The following MTHFS variants were observed in gnomAD, a reference collection of about 807,000 sequenced individuals.
MTHFS encodes 5-formyltetrahydrofolate cyclo-ligase.
MTHFS carries 7 observed loss-of-function variants against 12.7 expected under a neutral mutation model. The observed-to-expected ratio is 0.55, with a 90% CI of 0.31 to 1.03. The LOEUF is 1.03. Ranked by LOEUF, MTHFS falls within the 50% of genes least tolerant of loss-of-function variation. The pLI is 0.05. For synonymous variants in MTHFS, 100 were observed against 97.1 expected, an observed-to-expected ratio of 1.03 and a Z score of -0.18; for missense variants, 252 against 258.1, an observed-to-expected ratio of 0.98 and a Z score of 0.16.
intron 2 of MTHFS, among the ~76,000 whole-genome samples, chr15:79,869,850 C>A (rs938480659): frequency 1.3e-5 from 2 of 151,962 alleles, no homozygotes; most frequent in Admixed American, 1.3e-4. Context: ...TAGGGAACTT[C>A]GGTTATAAAC....
At chr15:79,862,603 C>T (rs1157596199) in intron 2 of MTHFS, among the ~76,000 whole-genome samples, 12 of 152,088 alleles carry the variant, frequency 7.9e-5, no homozygotes, top group Non-Finnish European at 1.8e-4. Flanking sequence ...GTCCTTTCTA[C>T]AGCAAAAAGA....
chr15:79,854,393 G>A (rs1442377083), intron 2 of MTHFS, among the ~76,000 whole-genome samples: 1 of 152,238 alleles, frequency 6.6e-6, no homozygotes, highest in Non-Finnish European at 1.5e-5. Flanking sequence ...CCTGACTGGA[G>A]TGTGGATGTG....
chr15:79,845,559 T>C, intron 2 of MTHFS, 117 bp from the exon 3 acceptor site: 3 of 1,351,638 alleles, frequency 2.2e-6, no homozygotes, highest in Non-Finnish European at 3.0e-6. Flanking sequence ...AAACAATGTG[T>C]GACCATTAAT....
intron 2 of MTHFS, among the ~76,000 whole-genome samples, chr15:79,857,758 C>T (rs769819982): frequency 1.3e-5 from 2 of 152,060 alleles, no homozygotes; most frequent in Non-Finnish European, 2.9e-5. Flanking sequence ...CAGTGGCTCA[C>T]GCCTGTAATC....
chr15:79,875,525 T>C (rs1027495563), intron 2 of MTHFS, among the ~76,000 whole-genome samples: 4 of 152,010 alleles, frequency 2.6e-5, no homozygotes, highest in Non-Finnish European at 2.9e-5. Flanking sequence ...CAAATATCCA[T>C]ATACAAAAGA....
chr15:79,879,268 C>T (rs1167714388), intron 2 of MTHFS, among the ~76,000 whole-genome samples: 1 of 150,648 alleles, frequency 6.6e-6, no homozygotes. Context: ...GGCCTGCCCA[C>T]AGAGGCAAAG....
chr15:79,852,863 C>T (rs540340434), intron 2 of MTHFS, among the ~76,000 whole-genome samples: 110 of 152,252 alleles, frequency 7.2e-4, no homozygotes, highest in African/African-American at 2.6e-3. Flanking sequence ...TTCACTCAAT[C>T]TTATGAACAC....
intron 2 of MTHFS, chr15:79,876,770 C>T (rs1390804202): frequency 6.6e-6 from 1 of 152,028 alleles, no homozygotes; most frequent in African/African-American, 2.4e-5. Context: ...ACTGGCAGGG[C>T]ACAATGACTC....
At chr15:79,876,160 A>G (rs1330730183) in intron 2 of MTHFS, 1 of 152,154 alleles carries the variant, frequency 6.6e-6, no homozygotes, top group Non-Finnish European at 1.5e-5. Flanking sequence ...CAAAAAAAAT[A>G]TAGGATATGC....
intron 1 of MTHFS, among the ~76,000 whole-genome samples, chr15:79,890,692 G>C (rs1181316659): frequency 6.6e-6 from 1 of 152,126 alleles, no homozygotes; most frequent in Non-Finnish European, 1.5e-5. Context: ...GAAAGATACA[G>C]GAACAGTAAG....
At chr15:79,885,941 C>T (rs12438477) in intron 2 of MTHFS, among the ~76,000 whole-genome samples, 7 of 152,028 alleles carry the variant, frequency 4.6e-5, no homozygotes, top group Non-Finnish European at 8.8e-5. Flanking sequence ...TGCTTAAGCC[C>T]GGTTGAATCA....
intron 1 of MTHFS, among the ~76,000 whole-genome samples, chr15:79,893,355 T>C (rs2034508371): frequency 6.6e-6 from 1 of 150,430 alleles, no homozygotes; most frequent in Non-Finnish European, 1.5e-5. Flanking sequence ...TGAGCCAAGA[T>C]TGCGCCACTG....
At chr15:79,875,631 A>T (rs2034181059) in intron 2 of MTHFS, among the ~76,000 whole-genome samples, 1 of 152,158 alleles carries the variant, frequency 6.6e-6, no homozygotes, top group Non-Finnish European at 1.5e-5. Flanking sequence ...TCTTAGAAAA[A>T]AACGGAGGCA....
intron 1 of MTHFS, among the ~76,000 whole-genome samples, chr15:79,895,322 C>T (rs753848930): frequency 1.3e-5 from 2 of 152,246 alleles, no homozygotes; most frequent in Admixed American, 6.5e-5. Context: ...TCATCTCAAA[C>T]ATTTTCCAAT....
chr15:79,848,460 CACTT>C (rs1190684719), intron 2 of MTHFS, among the ~76,000 whole-genome samples: 2 of 152,294 alleles, frequency 1.3e-5, no homozygotes, highest in African/African-American at 4.8e-5. Context: ...CTTTCCCAGA[CACTT>C]ACAACTTTTA....
intron 1 of MTHFS, 120 bp from the exon 2 acceptor site, chr15:79,889,474 A>ACCCC: frequency 8.2e-7 from 1 of 1,226,906 alleles, no homozygotes; most frequent in Non-Finnish European, 1.1e-6. Context: ...AGAAAAAAAA[A>ACCCC]GGGGGGGGGA....
chr15:79,885,544 A>G (rs563563594), intron 2 of MTHFS, among the ~76,000 whole-genome samples: 7 of 152,314 alleles, frequency 4.6e-5, no homozygotes, highest in African/African-American at 1.7e-4. Context: ...AGCTGGGCAT[A>G]TGACCTAGTC....
At chr15:79,875,873 C>T (rs551437891) in intron 2 of MTHFS, 1 of 152,120 alleles carries the variant, frequency 6.6e-6, no homozygotes, top group African/African-American at 2.4e-5. Flanking sequence ...AGTAAAAAGG[C>T]AATGTAATTA....
intron 2 of MTHFS, among the ~76,000 whole-genome samples, chr15:79,870,212 G>T (rs2034078950): frequency 6.6e-6 from 1 of 152,166 alleles, no homozygotes; most frequent in Non-Finnish European, 1.5e-5. Flanking sequence ...CAACAGACTA[G>T]TTGTCTAGAA....
Sources: gnomAD v4.1 joint callset for allele counts (sites outside exome capture counted in the v4.1 genomes callset) on GRCh38, gnomAD v4.1.1 for gene constraint, MANE v1.5 for transcripts, NCBI Gene and HGNC (gene_info 2026-07-23, HGNC 2026-07-21) for gene names.